ZFPM2: variants seen among roughly 807,000 people sequenced by gnomAD.
ZFPM2 encodes zinc finger protein ZFPM2.
A neutral mutation model predicts 98.6 loss-of-function variants in ZFPM2; 20 were observed. The ratio of observed to expected loss-of-function variants is 0.20; its 90% CI spans 0.14 to 0.29. The LOEUF (loss-of-function observed/expected upper bound fraction) is 0.29, where lower values mean the gene tolerates loss of function less well. Ranked by LOEUF, ZFPM2 falls within the 10% of genes least tolerant of loss-of-function variation. ZFPM2 has a pLI of 1.00. For missense variants in ZFPM2, 1,310 were observed against 1,388.6 expected (o/e 0.94, Z 0.90); for synonymous variants, 518 against 502.7 (o/e 1.03, Z -0.41).
intron 4 of ZFPM2, among the ~76,000 whole-genome samples, chr8:105,572,033 C>CTTTTTT (rs869198147): frequency 8.7e-5 from 9 of 103,364 alleles, no homozygotes; most frequent in Admixed American, 1.2e-4. Flanking sequence ...GGGTAAATTT[C>CTTTTTT]TTTTTTTTTT....
intron 3 of ZFPM2, among the ~76,000 whole-genome samples, chr8:105,478,769 C>T (rs1480322525): frequency 6.6e-6 from 1 of 152,186 alleles, no homozygotes; most frequent in Non-Finnish European, 1.5e-5. Flanking sequence ...ATTCTGCTGA[C>T]CACCAGCTTG....
At chr8:105,401,289 A>G (rs1319658163) in intron 1 of ZFPM2, among the ~76,000 whole-genome samples, 1 of 152,068 alleles carries the variant, frequency 6.6e-6, no homozygotes, top group Non-Finnish European at 1.5e-5. Context: ...TATTCTACTT[A>G]AAATTTTTAA....
intron 3 of ZFPM2, among the ~76,000 whole-genome samples, chr8:105,489,771 G>A (rs1813321886): frequency 6.6e-6 from 1 of 151,820 alleles, no homozygotes; most frequent in South Asian, 2.1e-4. Flanking sequence ...ACCCAAAAAA[G>A]CTGTATTTTA....
intron 5 of ZFPM2, among the ~76,000 whole-genome samples, chr8:105,766,390 T>C (rs575158788): frequency 1.3e-5 from 2 of 152,016 alleles, no homozygotes; most frequent in East Asian, 1.9e-4. Context: ...TGGGATGTCA[T>C]CTTAAGTAGC....
At chr8:105,572,061 G>A (rs528240375) in intron 4 of ZFPM2, among the ~76,000 whole-genome samples, 115 of 129,082 alleles carry the variant, frequency 8.9e-4, no homozygotes, top group African/African-American at 3.1e-3. Context: ...TTTTTGAGAC[G>A]GAGTCTGGCT....
intron 2 of ZFPM2, among the ~76,000 whole-genome samples, chr8:105,441,300 C>T (rs1278098307): frequency 1.3e-5 from 2 of 151,426 alleles, no homozygotes; most frequent in Non-Finnish European, 2.9e-5. Flanking sequence ...CATACTGTAC[C>T]TACCACAGTT....
At chr8:105,363,912 A>G (rs1294736439) in intron 1 of ZFPM2, among the ~76,000 whole-genome samples, 1 of 152,136 alleles carries the variant, frequency 6.6e-6, no homozygotes, top group Non-Finnish European at 1.5e-5. Context: ...TTATAAATAG[A>G]TATTTCTCAG....
At chr8:105,537,253 G>C (rs16873346) in intron 3 of ZFPM2, among the ~76,000 whole-genome samples, 39,352 of 151,558 alleles carry the variant, frequency 0.26, 5,257 homozygotes, top group African/African-American at 0.32. Flanking sequence ...CTTTCTTTAG[G>C]CCTAGATTAT....
chr8:105,468,688 TGTATTAAGTG>T (rs1812839880), intron 3 of ZFPM2, among the ~76,000 whole-genome samples: 2 of 152,122 alleles, frequency 1.3e-5, no homozygotes, highest in Admixed American at 6.6e-5. Context: ...ATAGCTTAAA[TGTATTAAGTG>T]AGCATTTATT....
intron 4 of ZFPM2, among the ~76,000 whole-genome samples, chr8:105,562,528 A>C (rs542574782): frequency 6.6e-6 from 1 of 152,236 alleles, no homozygotes; most frequent in Non-Finnish European, 1.5e-5. Context: ...CTGGGCTAAA[A>C]TCAAGGTGTC....
intron 1 of ZFPM2, among the ~76,000 whole-genome samples, chr8:105,394,422 A>C (rs775721113): frequency 6.6e-6 from 1 of 152,184 alleles, no homozygotes; most frequent in East Asian, 1.9e-4. Flanking sequence ...TCTTTAGCTC[A>C]GTTTCAAAAA....
chr8:105,492,033 ATTC>A (rs1396459721), intron 3 of ZFPM2, among the ~76,000 whole-genome samples: 1 of 152,156 alleles, frequency 6.6e-6, no homozygotes, highest in Non-Finnish European at 1.5e-5. Flanking sequence ...CTCATTCTCA[ATTC>A]TTCTTTATAC....
Position 105,668,155 on chromosome 8 carries a change from G to A in ZFPM2, c.532+33798G>A, listed in dbSNP as rs115045250. Among the ~76,000 whole-genome samples the A allele has an allele frequency of 1.5e-3, 226 of 152,306 alleles. 1 individual carries two copies. The highest frequency in any genetic ancestry group is 5.1e-3 in the African/African-American group (211 of 41,578). On this transcript the variant is annotated intron_variant, in intron 5 of 7. Coordinates refer to ENST00000407775, the MANE Select transcript of ZFPM2 (RefSeq NM_012082.4). ...GGCCATTGGCTCTTCTCAGCTCCAC[G>A]TACCTTAGGAAGCAGTTGCCAAATT...
chr8:105,336,649 C>A (rs968049542), intron 1 of ZFPM2, among the ~76,000 whole-genome samples: 19 of 150,356 alleles, frequency 1.3e-4, no homozygotes, highest in Admixed American at 2.0e-4. Flanking sequence ...CACTGGGAAA[C>A]GCTTTATAAG....
intron 1 of ZFPM2, among the ~76,000 whole-genome samples, chr8:105,400,616 G>A (rs1383041159): frequency 6.6e-6 from 1 of 152,086 alleles, no homozygotes; most frequent in Non-Finnish European, 1.5e-5. Context: ...TTTATTGTGT[G>A]ATTTTCTCCA....
intron 5 of ZFPM2, among the ~76,000 whole-genome samples, chr8:105,657,328 G>C (rs567521855): frequency 6.6e-6 from 1 of 152,118 alleles, no homozygotes; most frequent in African/African-American, 2.4e-5. Context: ...TAGTAGAAAC[G>C]GGGTTTCACC....
intron 4 of ZFPM2, among the ~76,000 whole-genome samples, chr8:105,627,288 G>T (rs1416247360): frequency 6.6e-6 from 1 of 152,042 alleles, no homozygotes; most frequent in Non-Finnish European, 1.5e-5. Context: ...TGACACTTTT[G>T]ACCCATTTTG....
intron 3 of ZFPM2, among the ~76,000 whole-genome samples, chr8:105,517,707 C>CACCACACACACACA (rs61552974): frequency 0.037 from 4,670 of 124,840 alleles, 116 homozygotes; most frequent in Middle Eastern, 0.069. Context: ...CACACACACA[C>CACCACACACACACA]CACACACACA....
intron 4 of ZFPM2, among the ~76,000 whole-genome samples, chr8:105,599,980 C>T (rs1816058039): frequency 6.6e-6 from 1 of 152,070 alleles, no homozygotes; most frequent in Non-Finnish European, 1.5e-5. Context: ...ATCAGAGAGG[C>T]CTAAGTCTAG....
Sources: allele counts gnomAD v4.1 joint callset (sites outside exome capture counted in the v4.1 genomes callset), GRCh38; gene constraint gnomAD v4.1.1; transcripts MANE v1.5; gene names NCBI Gene and HGNC (gene_info 2026-07-23, HGNC 2026-07-21).